Variants in UBA7 observed in about 807,000 individuals in gnomAD.
The protein encoded by UBA7 is ubiquitin like modifier activating enzyme 7.
A neutral mutation model predicts 113.0 loss-of-function variants in UBA7; 88 were observed. That is an observed-to-expected ratio of 0.78 (90% CI 0.66 to 0.93). The LOEUF (loss-of-function observed/expected upper bound fraction) is 0.93, where lower values mean the gene tolerates loss of function less well. UBA7 is among the 40% of genes least tolerant of loss of function. The probability of loss-of-function intolerance (pLI) is 0.00; values close to 1 mark genes in which losing one functional copy is unlikely to be tolerated. For missense variants in UBA7, 1,092 were observed against 1,266.4 expected (o/e 0.86, Z 2.09); for synonymous variants, 459 against 513.0 (o/e 0.89, Z 1.42).
intron 19 of UBA7, 98 bp from the exon 20 acceptor site, chr3:49,808,210 G>A: frequency 6.5e-7 from 1 of 1,546,372 alleles, no homozygotes; most frequent in Non-Finnish European, 8.9e-7. Context: ...AGTTCTGTCG[G>A]GGGGTTGCCC....
In UBA7 at chr3:49,813,055, TACTC is replaced by T. The variant is rs2081574474; in HGVS notation, c.467+3_467+6del. 6.2e-7 allele frequency: 1 copy of T among 1,611,578 alleles called. No homozygotes were observed. Among genetic ancestry groups the T allele is most frequent in the Non-Finnish European group, 8.5e-7 (1 of 1,179,196 alleles). ...ATATGGTAGGCTGGGCAGGCAGTCT[TACTC>T]ACCCCACGAGGCCCCGGGTGTCAGC... On this transcript the variant is annotated splice_donor_5th_base_variant and intron_variant, in intron 4 of 23. Transcript: ENST00000333486.
At chr3:49,806,934 AG>A (rs986756695) in intron 21 of UBA7, among the ~76,000 whole-genome samples, 5 of 152,142 alleles carry the variant, frequency 3.3e-5, no homozygotes, top group African/African-American at 4.8e-5. Flanking sequence ...GAGGGACCCC[AG>A]GCTGCTCAGC....
At position 49,812,517 on chromosome 3, in the gene UBA7, C is replaced by A; in HGVS notation, c.585G>T (p.Arg195Ser). 6.2e-7 allele frequency: 1 copy of A among 1,614,198 alleles called. No individual in the cohort carries two copies. Among genetic ancestry groups the A allele is most frequent in the Non-Finnish European group, 8.5e-7 (1 of 1,180,046 alleles). Residue 195 changes from arginine (R) to serine (S), a missense_variant, in exon 6 of 24, where the codon AGG becomes AGT. By Grantham distance (110) the Arg-to-Ser change is moderately radical. Around this residue, in one of 3 missense-constraint regions of UBA7, gnomAD observed 584 missense variants for 714.5 expected, o/e 0.82. Coordinates refer to ENST00000333486, the MANE Select transcript of UBA7 (RefSeq NM_003335.3). The stretch of plus-strand genomic sequence containing the variant: ...GGAAGTAGTGGGTATTGGCCCCTTT[C>A]CTCAGAGTGAGAATGCCAGGGGAGC... ...SQGSPGILTLRKGANTHYFRD... is the reference protein window; with the variant it reads ...SQGSPGILTLSKGANTHYFRD...
intron 14 of UBA7, 43 bp downstream of exon 14, chr3:49,809,935 G>A (rs2234383): frequency 1.3e-4 from 211 of 1,614,138 alleles, no homozygotes; most frequent in Admixed American, 9.2e-4. Context: ...CTGCAGCTGA[G>A]GGCTGAGCTG....
chr3:49,811,565 G>T (rs2081548056), intron 8 of UBA7, 110 bp from the exon 9 acceptor site: 7 of 1,459,950 alleles, frequency 4.8e-6, no homozygotes, highest in Non-Finnish European at 6.4e-6. Context: ...GGAAGCAGAA[G>T]CCTGGGTGGG....
At chr3:49,806,474 G>T (rs1466256189) in intron 21 of UBA7, among the ~76,000 whole-genome samples, 2 of 152,176 alleles carry the variant, frequency 1.3e-5, no homozygotes, top group African/African-American at 2.4e-5. Flanking sequence ...GGCCCCTGCA[G>T]CCTCTGATAA....
Position 49,806,138 on chromosome 3 carries a change from C to T in UBA7, c.2743G>A (p.Asp915Asn), listed in dbSNP as rs775567029. 1.1e-5 allele frequency: 17 copies of T among 1,601,990 alleles called. No homozygotes were observed. Among genetic ancestry groups the T allele is most frequent in the African/African-American group, 1.3e-5 (1 of 74,770 alleles). The change falls in exon 22 of 24, where the codon GAC becomes AAC. Residue 915 changes from aspartate to asparagine, a missense_variant. This residue lies in a region of UBA7 where 500 missense variants were observed against 529.3 expected (regional missense o/e 0.94). Coordinates refer to ENST00000333486, the MANE Select transcript of UBA7 (RefSeq NM_003335.3). ...TFHHLKWTSW[D>N]RLKVPAGQPE... ...TGCCCAGCTGGTACCTTCAGACGGT[C>T]CCAAGAGGTCCACTTCAGGTGATGG...
At position 49,813,060 on chromosome 3, in the gene UBA7, AC is replaced by A; in HGVS notation, c.467+1del. 1 of 1,612,172 alleles carries A rather than the reference AC, an allele frequency of 6.2e-7. No homozygotes were observed. Among genetic ancestry groups the A allele is most frequent in the Admixed American group, 1.7e-5 (1 of 59,918 alleles). On this transcript the variant is annotated splice_donor_variant, in intron 4 of 23. Coordinates refer to ENST00000333486, the MANE Select transcript of UBA7 (RefSeq NM_003335.3). LOFTEE classifies it high-confidence loss of function. ...GTAGGCTGGGCAGGCAGTCTTACTC[AC>A]CCCACGAGGCCCCGGGTGTCAGCCG...
At position 49,812,102 on chromosome 3, in the gene UBA7, C is replaced by T; in HGVS notation, c.792+7G>A. ...AGCTCCCCTACCTCAGATGCACTTG[C>T]ACTCACATGTCTCACAGTCTTGGGT... On this transcript the variant is annotated splice_region_variant and intron_variant, in intron 7 of 23. Transcript: ENST00000333486. The T allele has an allele frequency of 6.2e-7, 1 of 1,614,228 alleles. No individual in the cohort carries two copies. Among genetic ancestry groups the T allele is most frequent in the South Asian group, 1.1e-5 (1 of 91,090 alleles).
In UBA7 at chr3:49,810,810, T is replaced by A. The variant is rs1575376009; in HGVS notation, c.1253A>T (p.Gln418Leu). ...CALRGSRYDG[Q>L]IAVFGAGFQE... is the part of the protein sequence containing the mutation. ...AAAACCAGCCCCAAACACTGCAATT[T>A]GCCCATCATAGCGGCTGCCTCTCTA... Residue 418 changes from glutamine (Q) to leucine (L), a missense_variant, in exon 11 of 24, where the codon CAA becomes CTA. Coordinates refer to ENST00000333486, the MANE Select transcript of UBA7 (RefSeq NM_003335.3). This position sits in a 1 kb window ranked among gnomAD's most constrained non-coding sequence, Gnocchi z 5.6. The A allele has an allele frequency of 1.2e-6, 2 of 1,614,146 alleles. No individual in the cohort carries two copies. Among genetic ancestry groups the A allele is most frequent in the Non-Finnish European group, 1.7e-6 (2 of 1,180,012 alleles).
chr3:49,806,090 G>C lies in UBA7; in HGVS notation c.2791C>G (p.Leu931Val), dbSNP rs748691829. 3.7e-5 allele frequency: 59 copies of C among 1,594,890 alleles called. No homozygotes were observed. The highest frequency in any genetic ancestry group is 4.8e-5 in the Non-Finnish European group (56 of 1,171,140). Residue 931 changes from leucine (L) to valine (V), a missense_variant, in exon 22 of 24, where the codon CTG becomes GTG. Around this residue, in one of 3 missense-constraint regions of UBA7, gnomAD observed 500 missense variants for 529.3 expected, o/e 0.94. Coordinates refer to ENST00000333486, the MANE Select transcript of UBA7 (RefSeq NM_003335.3). ...AGQPERTLES[L>V]LAHLQEQHGL... ...GGGCACACCTGAAGATGAGCCAGCAGCGACTCCAGGGTCCTCTCAGGCTGC... is the reference window on the plus strand; with the variant it reads ...GGGCACACCTGAAGATGAGCCAGCACCGACTCCAGGGTCCTCTCAGGCTGC...
In UBA7 at chr3:49,809,188, G is replaced by A. The variant is rs374389887; in HGVS notation, c.2164-29C>T. ...CAGCCAGACCAAGAGCAGGAACAGA[G>A]GCATGGGTGCATGGGGTGGGGGTCA... On this transcript the variant is annotated intron_variant, in intron 17 of 23. Transcript: ENST00000333486. The A allele has an allele frequency of 6.9e-6, 11 of 1,594,278 alleles. No individual in the cohort carries two copies. In the African/African-American group the frequency reaches 1.5e-4, roughly 21 times the overall value.
At position 49,813,810 on chromosome 3, in the gene UBA7, T is replaced by C. The variant is rs2081589462; in HGVS notation, c.-23A>G. On this transcript the variant is annotated 5_prime_UTR_variant, in exon 1 of 24. Coordinates refer to ENST00000333486, the MANE Select transcript of UBA7 (RefSeq NM_003335.3). Reference sequence around the variant, plus strand: ...CATCCTCAAACCTGGGGCTGAACAGTAGGCTGCAGCGCTCAGAGATAGGGT... The same window carrying C: ...CATCCTCAAACCTGGGGCTGAACAGCAGGCTGCAGCGCTCAGAGATAGGGT... 1 of 1,613,812 alleles carries C rather than the reference T, an allele frequency of 6.2e-7. No individual in the cohort carries two copies. The highest frequency in any genetic ancestry group is 8.5e-7 in the Non-Finnish European group (1 of 1,179,916).
rs1373095364 is a variant in UBA7 at position 49,807,710 on chromosome 3, C to G, written c.2715+26G>C. ...CAGGGGAAACCCAGGCCTAGTAGGG[C>G]TAAGGGTGGGGTATCATGGGCTCAC... On this transcript the variant is annotated intron_variant, in intron 21 of 23. Coordinates refer to ENST00000333486, the MANE Select transcript of UBA7 (RefSeq NM_003335.3). This position sits in a 1 kb window ranked among gnomAD's most constrained non-coding sequence, Gnocchi z 4.0. The G allele has an allele frequency of 6.3e-7, 1 of 1,583,906 alleles. No individual in the cohort carries two copies. The highest frequency in any genetic ancestry group is 2.2e-5 in the East Asian group (1 of 44,648).
rs757122398 is a variant in UBA7, at chr3:49,808,063, A to G, written c.2480T>C (p.Leu827Pro). The G allele has an allele frequency of 3.7e-6, 6 of 1,613,956 alleles. No individual in the cohort carries two copies. The highest frequency in any genetic ancestry group is 5.1e-6 in the Non-Finnish European group (6 of 1,179,866). ...HVDFVVAAAS[L>P]RCQNYGIPPV... is the part of the protein sequence containing the mutation. ...TGGAATCCCGTAGTTCTGACATCTCAGGCTAGCTGCCGCTACCACAAAGTC... is the reference window on the plus strand; with the variant it reads ...TGGAATCCCGTAGTTCTGACATCTCGGGCTAGCTGCCGCTACCACAAAGTC... Residue 827 changes from leucine (L) to proline (P), a missense_variant, in exon 20 of 24, where the codon CTG (leucine) becomes CCG (proline). Physicochemically the swap from Leu to Pro is moderately conservative, Grantham distance 98. Coordinates refer to ENST00000333486, the MANE Select transcript of UBA7 (RefSeq NM_003335.3).
chr3:49,809,912 G>A (rs757285202), intron 14 of UBA7, 33 bp from the exon 15 acceptor site: 1 of 1,614,168 alleles, frequency 6.2e-7, no homozygotes, highest in South Asian at 1.1e-5. Flanking sequence ...GAGGTATCAG[G>A]TGGAGAACAG....
rs758122771 is a variant in UBA7 at position 49,808,375 on chromosome 3, T to A, written c.2430+11A>T. ...CCCAGCCCCACTCCTCACTGCCACT[T>A]GGGCACCCACCTTCTCAAACATCAG... On this transcript the variant is annotated intron_variant, in intron 19 of 23. Coordinates refer to ENST00000333486, the MANE Select transcript of UBA7 (RefSeq NM_003335.3). 6.2e-7 allele frequency: 1 copy of A among 1,614,192 alleles called. No individual in the cohort carries two copies. Among genetic ancestry groups the A allele is most frequent in the Non-Finnish European group, 8.5e-7 (1 of 1,180,020 alleles).
chr3:49,805,659 G>A (rs564602203), intron 23 of UBA7, among the ~76,000 whole-genome samples: 1 of 152,284 alleles, frequency 6.6e-6, no homozygotes, highest in South Asian at 2.1e-4. Context: ...TGAAAGGGGG[G>A]CTGTGCAGCA....
chr3:49,812,876 A>T, intron 4 of UBA7, 138 bp from the exon 5 acceptor site: 1 of 1,199,756 alleles, frequency 8.3e-7, no homozygotes, highest in Non-Finnish European at 1.2e-6. Flanking sequence ...TGAGAGGGTT[A>T]CTGGAGCAGG....
Sources: allele counts gnomAD v4.1 joint callset (sites outside exome capture counted in the v4.1 genomes callset), GRCh38; gene constraint gnomAD v4.1.1; regional missense constraint gnomAD v4.1.1; non-coding constraint Gnocchi (gnomAD v3.1); transcripts MANE v1.5; gene names NCBI Gene and HGNC (gene_info 2026-07-23, HGNC 2026-07-21).